Variants in ARHGAP10 observed in about 807,000 individuals in gnomAD.
ARHGAP10 encodes the protein Rho GTPase activating protein 10.
Under a neutral mutation model 108.6 loss-of-function variants are expected in ARHGAP10, and 87 were observed. That is an observed-to-expected ratio of 0.80 (90% CI 0.67 to 0.96). ARHGAP10 has a LOEUF of 0.96. Among genes scored for constraint, ARHGAP10 ranks in the 40% least tolerant of loss-of-function variants. The probability of loss-of-function intolerance (pLI) is 0.00; values close to 1 mark genes in which losing one functional copy is unlikely to be tolerated. For missense variants in ARHGAP10, 939 were observed against 954.5 expected (o/e 0.98, Z 0.21); for synonymous variants, 347 against 341.1 (o/e 1.02, Z -0.19).
At chr4:147,922,417 C>T (rs1336250453) in intron 13 of ARHGAP10, among the ~76,000 whole-genome samples, 3 of 151,058 alleles carry the variant, frequency 2.0e-5, no homozygotes, top group South Asian at 2.1e-4. Flanking sequence ...TGGCCGGGCG[C>T]GGTGGCTCAC....
chr4:148,009,639 T>G (rs1443034585), intron 18 of ARHGAP10, among the ~76,000 whole-genome samples: 1 of 152,236 alleles, frequency 6.6e-6, no homozygotes, highest in Non-Finnish European at 1.5e-5. Flanking sequence ...ATGTTTCTAG[T>G]GAACTTGTAG....
At chr4:147,849,935 G>T (rs531368191) in intron 4 of ARHGAP10, among the ~76,000 whole-genome samples, 10 of 152,346 alleles carry the variant, frequency 6.6e-5, no homozygotes, top group Admixed American at 6.5e-4. Context: ...CACAGTGAGA[G>T]GTGAAGCCAG....
At chr4:147,762,788 C>T (rs1240201537) in intron 1 of ARHGAP10, among the ~76,000 whole-genome samples, 1 of 151,652 alleles carries the variant, frequency 6.6e-6, no homozygotes, top group Non-Finnish European at 1.5e-5. Context: ...CCTCAGCCTC[C>T]CAAAGTGCTG....
intron 18 of ARHGAP10, among the ~76,000 whole-genome samples, chr4:147,990,190 A>G (rs1194629055): frequency 6.6e-6 from 1 of 152,200 alleles, no homozygotes; most frequent in Non-Finnish European, 1.5e-5. Context: ...ATTCTTACGA[A>G]TGTCTCCCAA....
Position 148,047,078 on chromosome 4 carries a change from C to T in ARHGAP10, c.2027+27C>T, listed in dbSNP as rs1258081661. The T allele has an allele frequency of 2.5e-6, 4 of 1,611,108 alleles. No individual in the cohort carries two copies. The Admixed American group carries it at 6.7e-5, about 27-fold the overall frequency. On this transcript the variant is annotated intron_variant, in intron 20 of 22. Transcript: ENST00000336498. The stretch of plus-strand genomic sequence containing the variant: ...TAAGTAACCGTGCTTCTGTTGGGTG[C>T]TGAAGGGTGGAAGCCCTGACTTTGT...
At chr4:147,973,227 G>A (rs1243336999) in intron 18 of ARHGAP10, among the ~76,000 whole-genome samples, 1 of 152,190 alleles carries the variant, frequency 6.6e-6, no homozygotes, top group Non-Finnish European at 1.5e-5. Flanking sequence ...GAAGGACAGA[G>A]CAGGACCACT....
intron 15 of ARHGAP10, among the ~76,000 whole-genome samples, chr4:147,948,800 A>C (rs4835116): frequency 1.3e-5 from 2 of 150,598 alleles, no homozygotes; most frequent in Non-Finnish European, 2.9e-5. Flanking sequence ...ACTAAAAAAT[A>C]CAAGAAAAAA....
intron 19 of ARHGAP10, among the ~76,000 whole-genome samples, chr4:148,025,942 A>T (rs1317558998): frequency 6.6e-6 from 1 of 152,162 alleles, no homozygotes; most frequent in Non-Finnish European, 1.5e-5. Context: ...ACAGATAGAA[A>T]ATGTGTATAC....
intron 4 of ARHGAP10, among the ~76,000 whole-genome samples, chr4:147,852,206 T>G (rs1265649706): frequency 2.0e-5 from 3 of 152,240 alleles, no homozygotes; most frequent in African/African-American, 7.2e-5. Context: ...TGACAAGCCA[T>G]AGCATGTGGC....
chr4:148,051,971 C>G (rs988961070), intron 20 of ARHGAP10, among the ~76,000 whole-genome samples: 3 of 152,150 alleles, frequency 2.0e-5, no homozygotes, highest in Admixed American at 1.3e-4. Flanking sequence ...AATTACTTGA[C>G]TGTTGGTTCC....
rs1037231670 is a variant in ARHGAP10 at position 147,986,748 on chromosome 4, A to T, written c.1716+19909A>T. ...CTCATATTCTGTAAAGTACATCATG[A>T]TTCAGATCCTGCTCAACAACTCTGA... On this transcript the variant is annotated intron_variant, in intron 18 of 22. Coordinates refer to ENST00000336498, the MANE Select transcript of ARHGAP10 (RefSeq NM_024605.4). Among the ~76,000 whole-genome samples the T allele has an allele frequency of 7.2e-5, 11 of 152,206 alleles. 1 individual carries two copies. Among genetic ancestry groups the T allele is most frequent in the African/African-American group, 2.7e-4 (11 of 41,450 alleles).
intron 1 of ARHGAP10, among the ~76,000 whole-genome samples, chr4:147,759,592 C>T (rs796632343): frequency 8.9e-5 from 11 of 123,470 alleles, no homozygotes; most frequent in African/African-American, 2.5e-4. Flanking sequence ...CCCCCCCCCC[C>T]TTTAAAAAGG....
intron 1 of ARHGAP10, among the ~76,000 whole-genome samples, chr4:147,760,241 C>G (rs1465785520): frequency 6.6e-6 from 1 of 152,116 alleles, no homozygotes; most frequent in Non-Finnish European, 1.5e-5. Flanking sequence ...TTACAAAAAG[C>G]TTAGGTTTAC....
chr4:147,970,748 A>G (rs1739373416), intron 18 of ARHGAP10, among the ~76,000 whole-genome samples: 1 of 152,194 alleles, frequency 6.6e-6, no homozygotes, highest in Non-Finnish European at 1.5e-5. Context: ...ATCTGTGTAT[A>G]CTTTATAGGA....
At chr4:147,860,257 AC>A (rs1459450995) in intron 5 of ARHGAP10, among the ~76,000 whole-genome samples, 1 of 152,160 alleles carries the variant, frequency 6.6e-6, no homozygotes, top group Non-Finnish European at 1.5e-5. Flanking sequence ...CCTGGCTAAC[AC>A]GGTGAAACCC....
chr4:147,978,685 G>C (rs1448772034), intron 18 of ARHGAP10, among the ~76,000 whole-genome samples: 2 of 152,168 alleles, frequency 1.3e-5, no homozygotes, highest in African/African-American at 2.4e-5. Flanking sequence ...CTGTGGAACT[G>C]TGAGTCAATT....
In ARHGAP10 at chr4:147,736,519, G is replaced by C. The variant is rs1006189895; in HGVS notation, c.154+4064G>C. Among the ~76,000 whole-genome samples, 6 of 152,130 alleles carry C rather than the reference G, an allele frequency of 3.9e-5. No individual in the cohort carries two copies. The East Asian group carries it at 1.2e-3, about 29-fold the overall frequency. On this transcript the variant is annotated intron_variant, in intron 1 of 22. Transcript: ENST00000336498. Reference sequence around the variant, plus strand: ...TGGGACTGATACAGAAAGCCTTGAGGAATAAATAAAATGGTGTGAAAGTGT... The same window carrying C: ...TGGGACTGATACAGAAAGCCTTGAGCAATAAATAAAATGGTGTGAAAGTGT...
intron 19 of ARHGAP10, among the ~76,000 whole-genome samples, chr4:148,026,913 C>T (rs1578803631): frequency 1.3e-5 from 2 of 152,264 alleles, no homozygotes; most frequent in East Asian, 3.9e-4. Flanking sequence ...TAAGATAACT[C>T]TAAAAATGTT....
At chr4:147,968,967 C>A (rs996553496) in intron 18 of ARHGAP10, among the ~76,000 whole-genome samples, 16 of 152,316 alleles carry the variant, frequency 1.1e-4, no homozygotes, top group Admixed American at 2.0e-4. Flanking sequence ...AACTTATTTT[C>A]TTGTCTGTTT....
Sources: allele counts gnomAD v4.1 joint callset (sites outside exome capture counted in the v4.1 genomes callset), GRCh38; gene constraint gnomAD v4.1.1; transcripts MANE v1.5; gene names NCBI Gene and HGNC (gene_info 2026-07-23, HGNC 2026-07-21).